The following ATP1A1 variants were observed in gnomAD, a reference collection of about 807,000 sequenced individuals.
The protein encoded by ATP1A1 is sodium/potassium-transporting ATPase subunit alpha-1.
In ATP1A1, 14 loss-of-function variants were observed where a neutral mutation model predicts 114.8. The observed-to-expected ratio is 0.12, with a 90% CI of 0.08 to 0.19. The LOEUF (loss-of-function observed/expected upper bound fraction) is 0.19. Among genes scored for constraint, ATP1A1 ranks in the 10% least tolerant of loss-of-function variants. The pLI is 1.00. For synonymous variants in ATP1A1, 471 were observed against 466.3 expected (o/e 1.01, Z -0.13); for missense variants, 524 against 1,290.7 (o/e 0.41, Z 9.10).
At chr1:116,375,881 G>A (rs1261309924) in intron 1 of ATP1A1, among the ~76,000 whole-genome samples, 2 of 152,152 alleles carry the variant, frequency 1.3e-5, no homozygotes, top group Non-Finnish European at 2.9e-5. Flanking sequence ...TTGTGGCCTA[G>A]CTTTTGATGA....
In ATP1A1 at chr1:116,390,826, A is replaced by G; in HGVS notation, c.1267A>G (p.Arg423Gly). ...KTSATWLALS[R>G]IAGLCNRAVF... The stretch of plus-strand genomic sequence containing the variant: ...TTCAGCTACCTGGCTTGCTCTGTCC[A>G]GAATTGCAGGTCTTTGTAACAGGGC... Residue 423 changes from arginine (R) to glycine (G), a missense_variant, in exon 10 of 23, where the codon AGA becomes GGA. This residue lies in a region of ATP1A1 where 143 missense variants were observed against 259.3 expected (regional missense o/e 0.55). Transcript: ENST00000295598. 1 of 1,614,236 alleles carries G rather than the reference A, an allele frequency of 6.2e-7. No individual in the cohort carries two copies. Among genetic ancestry groups the G allele is most frequent in the Non-Finnish European group, 8.5e-7 (1 of 1,180,040 alleles).
chr1:116,401,566 G>A lies in ATP1A1; in HGVS notation c.2862G>A (p.Leu954=). ...ACTTTGATTTTAGGAACAAGATCTT[G>A]ATATTTGGCCTCTTTGAAGAGACAG... The part of the protein sequence containing the change: ...VFQQGMKNKI[L]IFGLFEETAL... The change falls in exon 21 of 23, where the codon TTG becomes TTA. Residue 954 remains leucine (L), a synonymous_variant. Coordinates refer to ENST00000295598, the MANE Select transcript of ATP1A1 (RefSeq NM_000701.8). This position sits in a 1 kb window ranked among gnomAD's most constrained non-coding sequence, Gnocchi z 4.7. The A allele has an allele frequency of 6.2e-7, 1 of 1,614,084 alleles. No homozygotes were observed. Among genetic ancestry groups the A allele is most frequent in the Non-Finnish European group, 8.5e-7 (1 of 1,180,012 alleles).
Position 116,389,543 on chromosome 1 carries a change from GAA to G in ATP1A1, c.861_862del (p.Glu287AspfsTer2). The G allele has an allele frequency of 6.2e-7, 1 of 1,614,204 alleles. No homozygotes were observed. Among genetic ancestry groups the G allele is most frequent in the Non-Finnish European group, 8.5e-7 (1 of 1,180,046 alleles). On this transcript the variant is annotated frameshift_variant, in exon 8 of 23. Coordinates refer to ENST00000295598, the MANE Select transcript of ATP1A1 (RefSeq NM_000701.8). LOFTEE classifies it high-confidence loss of function. The surrounding 1 kb of genome is among the most constrained non-coding windows in gnomAD (Gnocchi z 6.9). ...AGGAGGCCAGACCCCCATTGCTGCA[GAA>G]ATTGAACATTTTATCCACATCATCA... ...LEGGQTPIAA[E>X]IEHFIHIITG...
rs568789819 is a variant in ATP1A1, at chr1:116,404,483, C to G, written c.*39C>G. The stretch of plus-strand genomic sequence containing the variant: ...ACGCCGTGGAGCATCAGGCCACACA[C>G]TCTGCATCCGACACCCACCCCCTCT... On this transcript the variant is annotated 3_prime_UTR_variant, in exon 23 of 23. Coordinates refer to ENST00000295598, the MANE Select transcript of ATP1A1 (RefSeq NM_000701.8). The surrounding 1 kb of genome is among the most constrained non-coding windows in gnomAD (Gnocchi z 4.8). The G allele has an allele frequency of 3.8e-6, 6 of 1,590,392 alleles. No individual in the cohort carries two copies. In the Admixed American group the frequency reaches 5.7e-5, roughly 15 times the overall value.
rs1458779708 is a variant in ATP1A1 at position 116,387,125 on chromosome 1, G to T, written c.184-163G>T. On this transcript the variant is annotated intron_variant, in intron 3 of 22. Coordinates refer to ENST00000295598, the MANE Select transcript of ATP1A1 (RefSeq NM_000701.8). The surrounding 1 kb of genome is among the most constrained non-coding windows in gnomAD (Gnocchi z 6.7). The stretch of plus-strand genomic sequence containing the variant: ...CCCTGTGGGGACTGGCTCATCAGCA[G>T]AATTATTCATGGAGGAATTTGCTAG... 6.6e-6 allele frequency among the ~76,000 whole-genome samples: 1 copy of T among 152,170 alleles called. No homozygotes were observed. Among genetic ancestry groups the T allele is most frequent in the Non-Finnish European group, 1.5e-5 (1 of 68,040 alleles).
chr1:116,388,411 T>G lies in ATP1A1; in HGVS notation c.501+167T>G, dbSNP rs1350217573. ...ACCTATTTTCCTTCTATCCAAAAAG[T>G]GGTAGCCTTTCTTTTGAATGTAAAC... On this transcript the variant is annotated intron_variant, in intron 5 of 22. Transcript: ENST00000295598. The surrounding 1 kb of genome is among the most constrained non-coding windows in gnomAD (Gnocchi z 5.6). The G allele has an allele frequency of 2.1e-6, 2 of 950,020 alleles. No individual in the cohort carries two copies. Among genetic ancestry groups the G allele is most frequent in the Non-Finnish European group, 3.1e-6 (2 of 643,424 alleles). The allele number at this position is 950,020 out of a possible 1,614,324, so 58.8% of individuals were successfully genotyped here. A position where few individuals can be genotyped will look rare whatever the true frequency, so the allele number is the denominator to read the frequency against.
At chr1:116,374,267 C>T in intron 1 of ATP1A1, 1 of 1,551,696 alleles carries the variant, frequency 6.4e-7, no homozygotes, top group Non-Finnish European at 8.7e-7. Flanking sequence ...CTTTCTTGGG[C>T]CACTTTCCGT....
At chr1:116,383,200 T>G (rs1045469747) in intron 1 of ATP1A1, 3 of 203,328 alleles carry the variant, frequency 1.5e-5, no homozygotes, top group Non-Finnish European at 2.7e-5. Flanking sequence ...GTCAAAACAT[T>G]TCCAGAGACT....
intron 8 of ATP1A1, 87 bp from the exon 9 acceptor site, chr1:116,390,126 A>G: frequency 1.5e-6 from 2 of 1,339,690 alleles, no homozygotes; most frequent in South Asian, 2.6e-5. Context: ...ATTTTAGACA[A>G]ATTTCTTCCA....
chr1:116,393,698 G>A lies in ATP1A1; in HGVS notation c.1635G>A (p.Leu545=), dbSNP rs753483752. ...KDAFQNAYLE[L]GGLGERVLGF... ...CCTTTCAGAACGCCTATTTGGAGCT[G>A]GGGGGCCTCGGAGAACGAGTCCTAG... Residue 545 remains leucine, a synonymous_variant, in exon 12 of 23, where the codon CTG becomes CTA. Transcript: ENST00000295598. This position sits in a 1 kb window ranked among gnomAD's most constrained non-coding sequence, Gnocchi z 5.0. 1.9e-6 allele frequency: 3 copies of A among 1,613,314 alleles called. No homozygotes were observed. The highest frequency in any genetic ancestry group is 2.2e-5 in the South Asian group (2 of 91,038).
Position 116,387,240 on chromosome 1 carries a change from T to C in ATP1A1, c.184-48T>C. On this transcript the variant is annotated intron_variant, in intron 3 of 22. Transcript: ENST00000295598. The surrounding 1 kb of genome is among the most constrained non-coding windows in gnomAD (Gnocchi z 6.7). Reference sequence around the variant, plus strand: ...CAGCTACCAGGTAGGTATATTGCCTTGTAAGTGCTGGTACAGTTTGCCTTA... The same window carrying C: ...CAGCTACCAGGTAGGTATATTGCCTCGTAAGTGCTGGTACAGTTTGCCTTA... The C allele has an allele frequency of 6.2e-7, 1 of 1,606,978 alleles. No homozygotes were observed. The highest frequency in any genetic ancestry group is 1.7e-5 in the Admixed American group (1 of 59,818).
Position 116,390,417 on chromosome 1 carries a change from GC to G in ATP1A1, c.1222+8del, listed in dbSNP as rs1341904970. 2.5e-6 allele frequency: 4 copies of G among 1,613,470 alleles called. No individual in the cohort carries two copies. In the Admixed American group the frequency reaches 6.7e-5, roughly 27 times the overall value. ...TACGACAGAGAATCAGAGTGGTAAG[GC>G]CAGGGTTACCACACACCTCAGCCAC... On this transcript the variant is annotated splice_region_variant and intron_variant, in intron 9 of 22. Coordinates refer to ENST00000295598, the MANE Select transcript of ATP1A1 (RefSeq NM_000701.8).
rs1363600471 is a variant in ATP1A1, at chr1:116,384,743, A to G, written c.124-40A>G. On this transcript the variant is annotated intron_variant, in intron 2 of 22. Transcript: ENST00000295598. This position sits in a 1 kb window ranked among gnomAD's most constrained non-coding sequence, Gnocchi z 5.1. ...ATTTTTTCTGTCATTTTTTTATACT[A>G]CACTGTTTAACTATTTTCTTTGTTT... 1 of 1,527,368 alleles carries G rather than the reference A, an allele frequency of 6.5e-7. No individual in the cohort carries two copies. The highest frequency in any genetic ancestry group is 9.0e-7 in the Non-Finnish European group (1 of 1,115,220). The allele number at this position is 1,527,368 out of a possible 1,614,324, so 94.6% of individuals were successfully genotyped here.
At chr1:116,383,379 T>A in intron 1 of ATP1A1, 1 of 1,025,266 alleles carries the variant, frequency 9.8e-7, no homozygotes, top group South Asian at 3.0e-5. Flanking sequence ...TGATATGTAA[T>A]AATGTCTTTG....
intron 8 of ATP1A1, 100 bp from the exon 9 acceptor site, chr1:116,390,113 T>A (rs56016633): frequency 1.0e-5 from 13 of 1,248,068 alleles, no homozygotes; most frequent in Non-Finnish European, 1.5e-5. Context: ...TTGGAGAGAT[T>A]TAATTTTAGA....
rs1652586869 is a variant in ATP1A1 at position 116,392,927 on chromosome 1, A to G, written c.1406A>G (p.Glu469Gly). The G allele has an allele frequency of 6.2e-7, 1 of 1,614,020 alleles. No homozygotes were observed. Among genetic ancestry groups the G allele is most frequent in the Non-Finnish European group, 8.5e-7 (1 of 1,180,024 alleles). Residue 469 changes from glutamate (E) to glycine (G), a missense_variant, in exon 11 of 23, where the codon GAG becomes GGG. By Grantham distance (98) the Glu-to-Gly change is moderately conservative (BLOSUM62 -2). Around this residue, in one of 8 missense-constraint regions of ATP1A1, gnomAD observed 143 missense variants for 259.3 expected, o/e 0.55. Coordinates refer to ENST00000295598, the MANE Select transcript of ATP1A1 (RefSeq NM_000701.8). ...CIELCCGSVK[E>G]MRERYAKIVE... ...GAGCTGTGCTGTGGTTCCGTGAAGGAGATGAGAGAAAGATACGCCAAAATC... is the reference window on the plus strand; with the variant it reads ...GAGCTGTGCTGTGGTTCCGTGAAGGGGATGAGAGAAAGATACGCCAAAATC...
Position 116,401,151 on chromosome 1 carries a change from G to A in ATP1A1, c.2740G>A (p.Val914Met). 3.1e-6 allele frequency: 5 copies of A among 1,614,170 alleles called. No homozygotes were observed. The highest frequency in any genetic ancestry group is 4.2e-6 in the Non-Finnish European group (5 of 1,180,026). Residue 914 changes from valine to methionine, a missense_variant, in exon 20 of 23, where the codon GTG (valine) becomes ATG (methionine). By Grantham distance (21) the Val-to-Met change is conservative (BLOSUM62 1). Coordinates refer to ENST00000295598, the MANE Select transcript of ATP1A1 (RefSeq NM_000701.8). This position sits in a 1 kb window ranked among gnomAD's most constrained non-coding sequence, Gnocchi z 4.7. ...TCAGACCTATGAGCAGAGGAAAATC[G>A]TGGAGTTCACCTGCCACACAGCCTT... ...QQWTYEQRKI[V>M]EFTCHTAFFV... is the part of the protein sequence containing the mutation.
Position 116,388,266 on chromosome 1 carries a change from C to T in ATP1A1, c.501+22C>T. 1 of 1,558,928 alleles carries T rather than the reference C, an allele frequency of 6.4e-7. No homozygotes were observed. The highest frequency in any genetic ancestry group is 8.8e-7 in the Non-Finnish European group (1 of 1,130,132). On this transcript the variant is annotated intron_variant, in intron 5 of 22. Transcript: ENST00000295598. The surrounding 1 kb of genome is among the most constrained non-coding windows in gnomAD (Gnocchi z 5.6). The stretch of plus-strand genomic sequence containing the variant: ...TCAGGTACCAGACGCTTTGTCCTTC[C>T]CCAGTGGATGACTTGACAGCCCCAA...
intron 1 of ATP1A1, chr1:116,373,857 G>A (rs867902778): frequency 1.7e-5 from 22 of 1,265,316 alleles, no homozygotes; most frequent in Non-Finnish European, 2.1e-5. Flanking sequence ...GCCGGGAGGA[G>A]GGGGCTTGCA....
Sources: gnomAD v4.1 joint callset for allele counts (sites outside exome capture counted in the v4.1 genomes callset) on GRCh38, gnomAD v4.1.1 for gene constraint, gnomAD v4.1.1 regional missense constraint, Gnocchi (gnomAD v3.1) non-coding constraint, MANE v1.5 for transcripts, NCBI Gene and HGNC (gene_info 2026-07-23, HGNC 2026-07-21) for gene names.